Variants in ROR1 observed in about 807,000 individuals in gnomAD.
ROR1 encodes inactive tyrosine-protein kinase transmembrane receptor ROR1.
In ROR1, 19 loss-of-function variants were observed where a neutral mutation model predicts 78.8. The observed-to-expected ratio is 0.24, with a 90% CI of 0.17 to 0.35. The LOEUF (loss-of-function observed/expected upper bound fraction) is 0.35, where lower values mean the gene tolerates loss of function less well. ROR1 is among the 10% of genes least tolerant of loss of function. ROR1 has a pLI of 1.00. For missense variants in ROR1, 917 were observed against 1,177.8 expected (o/e 0.78, Z 3.24); for synonymous variants, 386 against 433.6 (o/e 0.89, Z 1.36).
chr1:64,071,509 C>T (rs1210779492), intron 4 of ROR1, among the ~76,000 whole-genome samples: 1 of 152,068 alleles, frequency 6.6e-6, no homozygotes, highest in African/African-American at 2.4e-5. Context: ...AAATGCCTAA[C>T]TGCTTAGAAC....
chr1:63,940,538 T>C (rs1266146086), intron 1 of ROR1, among the ~76,000 whole-genome samples: 2 of 151,514 alleles, frequency 1.3e-5, no homozygotes, highest in Non-Finnish European at 2.9e-5. Context: ...GATAGATAGA[T>C]AGATAATGTG....
At chr1:63,948,838 T>C (rs1405448379) in intron 1 of ROR1, among the ~76,000 whole-genome samples, 2 of 152,222 alleles carry the variant, frequency 1.3e-5, no homozygotes, top group Non-Finnish European at 2.9e-5. Flanking sequence ...GAGGCCTTAC[T>C]GGACTCTGAA....
At chr1:64,003,672 C>T (rs764571068) in intron 1 of ROR1, among the ~76,000 whole-genome samples, 7 of 127,392 alleles carry the variant, frequency 5.5e-5, no homozygotes, top group Middle Eastern at 4.0e-3. Flanking sequence ...AGGGCTAGAG[C>T]ATGGCTCAGG....
At chr1:64,170,210 C>T (rs151278501) in intron 8 of ROR1, among the ~76,000 whole-genome samples, 1 of 152,200 alleles carries the variant, frequency 6.6e-6, no homozygotes, top group Non-Finnish European at 1.5e-5. Flanking sequence ...AGGGCCTCAC[C>T]CCTGCAGCAA....
intron 8 of ROR1, among the ~76,000 whole-genome samples, chr1:64,175,886 G>C (rs992285296): frequency 4.3e-4 from 65 of 152,046 alleles, no homozygotes; most frequent in African/African-American, 1.3e-3. Context: ...AGAGAGCTCT[G>C]GATTTCATAT....
At chr1:63,899,420 G>A (rs1645467200) in intron 1 of ROR1, among the ~76,000 whole-genome samples, 2 of 151,936 alleles carry the variant, frequency 1.3e-5, no homozygotes, top group Non-Finnish European at 2.9e-5. Flanking sequence ...TTTCCCCTTT[G>A]TATCTCCTAA....
intron 8 of ROR1, among the ~76,000 whole-genome samples, chr1:64,163,096 G>A (rs1649989477): frequency 6.6e-6 from 1 of 152,076 alleles, no homozygotes; most frequent in Non-Finnish European, 1.5e-5. Flanking sequence ...AAAAGATGGA[G>A]GAGTCTGAGG....
At chr1:64,022,334 T>A (rs755205811) in intron 2 of ROR1, among the ~76,000 whole-genome samples, 5 of 152,230 alleles carry the variant, frequency 3.3e-5, no homozygotes, top group African/African-American at 1.2e-4. Context: ...TTGTACAACA[T>A]TGTCAGTATA....
chr1:64,161,856 A>G (rs1649955266), intron 8 of ROR1, among the ~76,000 whole-genome samples: 1 of 152,204 alleles, frequency 6.6e-6, no homozygotes, highest in Non-Finnish European at 1.5e-5. Flanking sequence ...GGCTCCGATC[A>G]AATTTGAGTT....
chr1:64,056,457 C>A (rs2100599698), intron 4 of ROR1, among the ~76,000 whole-genome samples: 1 of 151,968 alleles, frequency 6.6e-6, no homozygotes, highest in Middle Eastern at 3.4e-3. Context: ...GGTGGATCAC[C>A]TGAGATCTGG....
intron 1 of ROR1, among the ~76,000 whole-genome samples, chr1:63,946,698 T>G (rs1645892376): frequency 6.6e-6 from 1 of 152,210 alleles, no homozygotes; most frequent in Non-Finnish European, 1.5e-5. Flanking sequence ...TGAATTCAGG[T>G]ATTTAGATTC....
chr1:63,918,649 T>C (rs1281611134), intron 1 of ROR1, among the ~76,000 whole-genome samples: 1 of 152,190 alleles, frequency 6.6e-6, no homozygotes, highest in African/African-American at 2.4e-5. Context: ...TTTAATTCCT[T>C]TTGTTTAAAA....
At chr1:63,843,905 T>TGA (rs982795549) in intron 1 of ROR1, among the ~76,000 whole-genome samples, 3 of 152,178 alleles carry the variant, frequency 2.0e-5, no homozygotes, top group African/African-American at 7.2e-5. Flanking sequence ...AGTAGCCTCC[T>TGA]GAGACATAAA....
chr1:63,821,099 T>A (rs1032803252), intron 1 of ROR1, among the ~76,000 whole-genome samples: 7 of 152,154 alleles, frequency 4.6e-5, no homozygotes, highest in African/African-American at 1.7e-4. Flanking sequence ...AAGATTATGC[T>A]GGGGGGAGGA....
chr1:63,893,820 A>G (rs1645418822), intron 1 of ROR1, among the ~76,000 whole-genome samples: 1 of 152,170 alleles, frequency 6.6e-6, no homozygotes, highest in Non-Finnish European at 1.5e-5. Flanking sequence ...TAGATGCCTA[A>G]ACTGCAGATA....
chr1:63,939,418 T>A (rs1007755974), intron 1 of ROR1, among the ~76,000 whole-genome samples: 5 of 152,128 alleles, frequency 3.3e-5, no homozygotes, highest in African/African-American at 1.2e-4. Context: ...CCCTAAGAAG[T>A]AAAAATTTTG....
intron 1 of ROR1, among the ~76,000 whole-genome samples, chr1:63,912,310 A>C (rs1032938666): frequency 3.3e-5 from 5 of 151,912 alleles, no homozygotes; most frequent in Non-Finnish European, 4.4e-5. Context: ...AAAAAAAAAA[A>C]AACAAAAAAC....
At chr1:63,995,631 A>C (rs754684061) in intron 1 of ROR1, among the ~76,000 whole-genome samples, 3 of 152,174 alleles carry the variant, frequency 2.0e-5, no homozygotes, top group Non-Finnish European at 4.4e-5. Flanking sequence ...TGGCTTTGTC[A>C]ATCTATGGCT....
chr1:63,989,919 A>G (rs2100519383), intron 1 of ROR1, among the ~76,000 whole-genome samples: 1 of 152,262 alleles, frequency 6.6e-6, no homozygotes, highest in East Asian at 1.9e-4. Flanking sequence ...TCTCTTACTC[A>G]ACCTCTCCCC....
Sources: gnomAD v4.1 joint callset for allele counts (sites outside exome capture counted in the v4.1 genomes callset) on GRCh38, gnomAD v4.1.1 for gene constraint, MANE v1.5 for transcripts, NCBI Gene and HGNC (gene_info 2026-07-23, HGNC 2026-07-21) for gene names.